Variants in MAP2 observed in about 807,000 individuals in gnomAD.
MAP2 encodes the protein microtubule associated protein 2, also known as microtubule-associated protein 2.
Under a neutral mutation model 137.6 loss-of-function variants are expected in MAP2, and 14 were observed. The observed-to-expected ratio is 0.10, with a 90% CI of 0.07 to 0.16. MAP2 has a LOEUF of 0.16. Among genes scored for constraint, MAP2 ranks in the 10% least tolerant of loss-of-function variants. MAP2 has a pLI of 1.00. For synonymous variants in MAP2, 786 were observed against 782.3 expected (o/e 1.00, Z -0.08); for missense variants, 2,088 against 2,191.5 (o/e 0.95, Z 0.94).
At chr2:209,727,088 C>A (rs1045833026) in intron 14 of MAP2, among the ~76,000 whole-genome samples, 1 of 152,178 alleles carries the variant, frequency 6.6e-6, no homozygotes, top group Non-Finnish European at 1.5e-5. Flanking sequence ...ATCTGGAAAT[C>A]AGGATTCATT....
At chr2:209,700,479 G>A (rs977228305) in intron 11 of MAP2, 141 bp downstream of exon 11, 15 of 647,334 alleles carry the variant, frequency 2.3e-5, no homozygotes, top group African/African-American at 1.3e-4. Context: ...AAGATTCTCC[G>A]TGGCATCCAG....
At chr2:209,720,404 C>T (rs1055441895) in intron 13 of MAP2, among the ~76,000 whole-genome samples, 7 of 152,018 alleles carry the variant, frequency 4.6e-5, no homozygotes, top group Non-Finnish European at 8.8e-5. Flanking sequence ...TTTGGGAGGC[C>T]GAGGCGGGCA....
At chr2:209,491,803 A>G (rs1176130177) in intron 1 of MAP2, among the ~76,000 whole-genome samples, 2 of 152,198 alleles carry the variant, frequency 1.3e-5, no homozygotes, top group Non-Finnish European at 2.9e-5. Flanking sequence ...GCAGTAATTA[A>G]TAGGCTACCA....
At chr2:209,641,814 G>A (rs946398513) in intron 4 of MAP2, among the ~76,000 whole-genome samples, 1 of 151,918 alleles carries the variant, frequency 6.6e-6, no homozygotes, top group Admixed American at 6.6e-5. Flanking sequence ...TAAAAAATAG[G>A]CTCAGAAATA....
intron 5 of MAP2, among the ~76,000 whole-genome samples, chr2:209,656,902 T>C (rs1386521310): frequency 1.3e-5 from 2 of 152,172 alleles, no homozygotes; most frequent in Admixed American, 6.5e-5. Context: ...ACTCAATAGG[T>C]AATTTTTCAA....
At chr2:209,553,527 C>T (rs973681378) in intron 2 of MAP2, among the ~76,000 whole-genome samples, 1 of 152,054 alleles carries the variant, frequency 6.6e-6, no homozygotes, top group Admixed American at 6.6e-5. Context: ...ACATTGATTT[C>T]CTGATGTAAA....
intron 4 of MAP2, among the ~76,000 whole-genome samples, chr2:209,626,420 G>A (rs958145090): frequency 1.3e-5 from 2 of 152,072 alleles, no homozygotes; most frequent in South Asian, 4.2e-4. Context: ...TCTCAAAAAA[G>A]TATATATATT....
At chr2:209,539,015 A>C (rs932317024) in intron 2 of MAP2, among the ~76,000 whole-genome samples, 1 of 152,192 alleles carries the variant, frequency 6.6e-6, no homozygotes, top group African/African-American at 2.4e-5. Context: ...AAAATATTAG[A>C]ATGATACACA....
In MAP2 at chr2:209,695,301, G is replaced by T. The variant is rs1253840245; in HGVS notation, c.3131G>T (p.Gly1044Val). The change falls in exon 8 of 16, where the codon GGT becomes GTT. Residue 1044 changes from glycine to valine, a missense_variant. By Grantham distance (109) the Gly-to-Val change is moderately radical. This residue lies in a region of MAP2 where 500 missense variants were observed against 482.9 expected (regional missense o/e 1.04). Coordinates refer to ENST00000682079, the MANE Select transcript of MAP2 (RefSeq NM_001375505.1). The stretch of plus-strand genomic sequence containing the variant: ...CAAGGTCTGGATTTTGCTGTCCAGG[G>T]TCAACTAGATGTTAAAATTAGTGAC... ...VEQGLDFAVQ[G>V]QLDVKISDFG... 1 of 1,613,892 alleles carries T rather than the reference G, an allele frequency of 6.2e-7. No homozygotes were observed. Among genetic ancestry groups the T allele is most frequent in the East Asian group, 2.2e-5 (1 of 44,886 alleles).
At chr2:209,675,756 T>G (rs2051101805) in intron 5 of MAP2, among the ~76,000 whole-genome samples, 2 of 151,834 alleles carry the variant, frequency 1.3e-5, no homozygotes, top group African/African-American at 4.8e-5. Context: ...ATATAACCAA[T>G]GGATACTTAT....
At chr2:209,491,949 G>T (rs1019325042) in intron 1 of MAP2, among the ~76,000 whole-genome samples, 1 of 152,148 alleles carries the variant, frequency 6.6e-6, no homozygotes, top group Admixed American at 6.5e-5. Flanking sequence ...ATTTTATGAG[G>T]CCAGCATCAT....
intron 1 of MAP2, among the ~76,000 whole-genome samples, chr2:209,464,102 G>T (rs750860363): frequency 2.1e-4 from 32 of 152,014 alleles, no homozygotes; most frequent in Non-Finnish European, 4.1e-4. Flanking sequence ...TTCATGAACA[G>T]GTCTGTCTAC....
chr2:209,601,335 A>G (rs1287258301), intron 3 of MAP2, among the ~76,000 whole-genome samples: 1 of 152,030 alleles, frequency 6.6e-6, no homozygotes, highest in Non-Finnish European at 1.5e-5. Flanking sequence ...CATTTTCATG[A>G]AGAAGTATCT....
intron 2 of MAP2, among the ~76,000 whole-genome samples, chr2:209,515,259 C>A (rs542160876): frequency 1.9e-4 from 29 of 152,086 alleles, no homozygotes; most frequent in Non-Finnish European, 3.8e-4. Context: ...AAGTTTTATA[C>A]CTGCCAAAGT....
intron 1 of MAP2, among the ~76,000 whole-genome samples, chr2:209,456,087 ACTCC>A (rs1701475317): frequency 6.6e-6 from 1 of 151,956 alleles, no homozygotes; most frequent in Non-Finnish European, 1.5e-5. Flanking sequence ...TATCACTCAT[ACTCC>A]CTGGCATCTT....
chr2:209,634,932 A>T (rs963269425), intron 4 of MAP2, among the ~76,000 whole-genome samples: 1 of 152,084 alleles, frequency 6.6e-6, no homozygotes, highest in Non-Finnish European at 1.5e-5. Flanking sequence ...TCTCACAAAA[A>T]ATAAAAATAA....
intron 2 of MAP2, among the ~76,000 whole-genome samples, chr2:209,546,326 T>C (rs2068057103): frequency 6.6e-6 from 1 of 152,190 alleles, no homozygotes; most frequent in Admixed American, 6.5e-5. Flanking sequence ...TATATTTATA[T>C]GCAATGACAC....
rs2087224875 is a variant in MAP2, at chr2:209,612,293, G to A, written c.-106-12760G>A. 2.6e-5 allele frequency among the ~76,000 whole-genome samples: 4 copies of A among 152,196 alleles called. No homozygotes were observed. The East Asian group carries it at 7.7e-4, about 29-fold the overall frequency. ...AAAGATAGAAGTTTTCTAGTTATTTGTTTATTTCTAGTTTCTAGTTATAAT... is the reference window on the plus strand; with the variant it reads ...AAAGATAGAAGTTTTCTAGTTATTTATTTATTTCTAGTTTCTAGTTATAAT... On this transcript the variant is annotated intron_variant, in intron 3 of 15. Coordinates refer to ENST00000682079, the MANE Select transcript of MAP2 (RefSeq NM_001375505.1).
chr2:209,506,103 A>G (rs2061021145), intron 1 of MAP2, among the ~76,000 whole-genome samples: 1 of 152,182 alleles, frequency 6.6e-6, no homozygotes, highest in Admixed American at 6.6e-5. Context: ...GTATCCAAGT[A>G]AAATAATGTC....
Sources: allele counts gnomAD v4.1 joint callset (sites outside exome capture counted in the v4.1 genomes callset), GRCh38; gene constraint gnomAD v4.1.1; regional missense constraint gnomAD v4.1.1; transcripts MANE v1.5; gene names NCBI Gene and HGNC (gene_info 2026-07-23, HGNC 2026-07-21).